BMP7: variants seen among roughly 807,000 people sequenced by gnomAD.
BMP7 encodes bone morphogenetic protein 7, also known as osteogenic protein 1.
BMP7 carries 12 observed loss-of-function variants against 41.2 expected under a neutral mutation model. That is an observed-to-expected ratio of 0.29 (90% CI 0.19 to 0.47). The LOEUF is 0.47. Ranked by LOEUF, BMP7 falls within the 20% of genes least tolerant of loss-of-function variation. The pLI is 0.99. For missense variants in BMP7, 467 were observed against 606.0 expected (o/e 0.77, Z 2.41); for synonymous variants, 248 against 250.0 (o/e 0.99, Z 0.07).
In BMP7 at chr20:57,228,863, A is replaced by G. The variant is rs57944556; in HGVS notation, c.419-442T>C. Among the ~76,000 whole-genome samples, 2,596 of 152,340 alleles carry G rather than the reference A, an allele frequency of 0.017. 57 individuals carry two copies. Among genetic ancestry groups the G allele is most frequent in the African/African-American group, 0.06 (2,504 of 41,572 alleles). ...TAATCCTCCTTCATGGGTTATGGTC[A>G]GGGTTGAATGATCTCATTCACACAA... is the stretch of plus-strand genomic sequence containing the variant. On this transcript the variant is annotated intron_variant, in intron 1 of 6. Coordinates refer to ENST00000395863, the MANE Select transcript of BMP7 (RefSeq NM_001719.3). The surrounding 1 kb of genome is among the most constrained non-coding windows in gnomAD (Gnocchi z 4.5).
chr20:57,176,789 C>CACACA, intron 4 of BMP7, among the ~76,000 whole-genome samples: 1 of 150,868 alleles, frequency 6.6e-6, no homozygotes, highest in African/African-American at 2.4e-5. Flanking sequence ...CACACACACA[C>CACACA]ACCTGTTAAC....
At chr20:57,195,865 G>C (rs1984479478) in intron 3 of BMP7, among the ~76,000 whole-genome samples, 2 of 152,190 alleles carry the variant, frequency 1.3e-5, no homozygotes, top group African/African-American at 4.8e-5. Flanking sequence ...ACATGCTCCT[G>C]ACCCCCAGCA....
chr20:57,216,373 G>A (rs1359580695), intron 2 of BMP7, among the ~76,000 whole-genome samples: 1 of 152,218 alleles, frequency 6.6e-6, no homozygotes, highest in Non-Finnish European at 1.5e-5. Flanking sequence ...CACCTGGAGA[G>A]GGCGGGGAAG....
At chr20:57,198,672 G>A (rs62205665) in intron 3 of BMP7, among the ~76,000 whole-genome samples, 4 of 152,152 alleles carry the variant, frequency 2.6e-5, no homozygotes, top group Non-Finnish European at 5.9e-5. Context: ...GGGCACCTCC[G>A]CACTTTGACC....
chr20:57,202,096 C>T (rs914083662), intron 3 of BMP7, among the ~76,000 whole-genome samples: 3 of 152,188 alleles, frequency 2.0e-5, no homozygotes, highest in African/African-American at 4.8e-5. Flanking sequence ...CTGCCGTGCA[C>T]GGAACAGTCC....
chr20:57,212,260 A>C (rs1390354016), intron 2 of BMP7, among the ~76,000 whole-genome samples: 2 of 152,238 alleles, frequency 1.3e-5, no homozygotes, highest in African/African-American at 4.8e-5. Context: ...TAACACAGCT[A>C]AAAGGGCAGG....
At chr20:57,198,605 G>A (rs551553299) in intron 3 of BMP7, among the ~76,000 whole-genome samples, 3 of 152,326 alleles carry the variant, frequency 2.0e-5, no homozygotes, top group East Asian at 1.9e-4. Context: ...TGACTCACAG[G>A]AGGGCCCAGC....
At chr20:57,207,161 G>A (rs920492348) in intron 2 of BMP7, among the ~76,000 whole-genome samples, 3 of 152,208 alleles carry the variant, frequency 2.0e-5, no homozygotes, top group Non-Finnish European at 4.4e-5. Context: ...GACTCAAGAA[G>A]CCTATCATTT....
intron 4 of BMP7, among the ~76,000 whole-genome samples, chr20:57,181,329 G>A (rs772019179): frequency 2.0e-4 from 31 of 151,710 alleles, no homozygotes; most frequent in Non-Finnish European, 1.3e-4. Context: ...ATATAGGGAG[G>A]CCCTGTCTCT....
intron 2 of BMP7, among the ~76,000 whole-genome samples, chr20:57,218,397 G>GTGTTTGTTGGTAGCTGGTGTT (rs1555814856): frequency 7.0e-6 from 1 of 142,408 alleles, no homozygotes; most frequent in Non-Finnish European, 1.5e-5. Flanking sequence ...TGCACAGCTG[G>GTGTTTGTTGGTAGCTGGTGTT]TGTTTGGTGG....
chr20:57,263,970 C>A (rs112609952), intron 1 of BMP7, among the ~76,000 whole-genome samples: 1 of 152,156 alleles, frequency 6.6e-6, no homozygotes, highest in Non-Finnish European at 1.5e-5. Flanking sequence ...TACAAGCACA[C>A]ATGCAGCCCA....
intron 1 of BMP7, among the ~76,000 whole-genome samples, chr20:57,238,833 C>A (rs1354056961): frequency 1.3e-5 from 2 of 152,122 alleles, no homozygotes; most frequent in Non-Finnish European, 2.9e-5. Flanking sequence ...AAGCTGAAAC[C>A]CCTGATAAAC....
intron 2 of BMP7, among the ~76,000 whole-genome samples, chr20:57,218,295 G>A (rs1314841866): frequency 6.6e-6 from 1 of 152,208 alleles, no homozygotes; most frequent in Non-Finnish European, 1.5e-5. Context: ...GTTAAACATG[G>A]GAACCTGTAT....
chr20:57,227,256 TCTC>T (rs2123116470), intron 2 of BMP7, among the ~76,000 whole-genome samples: 1 of 152,304 alleles, frequency 6.6e-6, no homozygotes, highest in East Asian at 1.9e-4. Context: ...TCACTTTAGT[TCTC>T]CTCATTTTAC....
At chr20:57,260,110 GAATA>G (rs1442118148) in intron 1 of BMP7, among the ~76,000 whole-genome samples, 1 of 152,076 alleles carries the variant, frequency 6.6e-6, no homozygotes, top group Non-Finnish European at 1.5e-5. Context: ...TGAAGCTCTG[GAATA>G]AATAAAGCAC....
At position 57,215,207 on chromosome 20, in the gene BMP7, A is replaced by G. The variant is rs527674545; in HGVS notation, c.612-12584T>C. 1.8e-4 allele frequency among the ~76,000 whole-genome samples: 28 copies of G among 152,242 alleles called. No individual in the cohort carries two copies. The highest frequency in any genetic ancestry group is 4.6e-4 in the Admixed American group (7 of 15,302). On this transcript the variant is annotated intron_variant, in intron 2 of 6. Transcript: ENST00000395863. The surrounding 1 kb of genome is among the most constrained non-coding windows in gnomAD (Gnocchi z 4.2). ...ACCCCCCACCTTCACAGGCCTGGCT[A>G]TGGAACCAGGGGGCTGTCAAATTAC... is the stretch of plus-strand genomic sequence containing the variant.
At chr20:57,240,760 G>T (rs912015860) in intron 1 of BMP7, among the ~76,000 whole-genome samples, 1 of 152,182 alleles carries the variant, frequency 6.6e-6, no homozygotes, top group Non-Finnish European at 1.5e-5. Context: ...GGAAACCCCT[G>T]ATCAAACCAT....
chr20:57,266,231 G>T lies in BMP7; in HGVS notation c.-109C>A. Reference sequence around the variant, plus strand: ...GCCGCTCGGTCACTTGCTGCAGACGGGCCCCGCTGCGCCCGCGCCAGACAT... The same window carrying T: ...GCCGCTCGGTCACTTGCTGCAGACGTGCCCCGCTGCGCCCGCGCCAGACAT... On this transcript the variant is annotated 5_prime_UTR_variant, in exon 1 of 7. Coordinates refer to ENST00000395863, the MANE Select transcript of BMP7 (RefSeq NM_001719.3). 2.6e-6 allele frequency: 3 copies of T among 1,162,844 alleles called. No individual in the cohort carries two copies. Among genetic ancestry groups the T allele is most frequent in the South Asian group, 4.6e-5 (2 of 43,100 alleles). 72.0% of individuals were successfully genotyped at this position (1,162,844 alleles called of 1,614,324 possible). A position where few individuals can be genotyped will look rare whatever the true frequency, so the allele number is the denominator to read the frequency against.
intron 2 of BMP7, among the ~76,000 whole-genome samples, chr20:57,206,932 T>C (rs1250023466): frequency 1.3e-5 from 2 of 152,234 alleles, no homozygotes; most frequent in Non-Finnish European, 2.9e-5. Flanking sequence ...ATGTTTACCT[T>C]GGACTCCAAA....
Sources: allele counts gnomAD v4.1 joint callset (sites outside exome capture counted in the v4.1 genomes callset), GRCh38; gene constraint gnomAD v4.1.1; non-coding constraint Gnocchi (gnomAD v3.1); transcripts MANE v1.5; gene names NCBI Gene and HGNC (gene_info 2026-07-23, HGNC 2026-07-21).